The following ESCO1 variants were observed in gnomAD, a reference collection of about 807,000 sequenced individuals.
The protein encoded by ESCO1 is N-acetyltransferase ESCO1.
ESCO1 carries 33 observed loss-of-function variants against 83.5 expected under a neutral mutation model. The observed-to-expected ratio is 0.40, with a 90% CI of 0.30 to 0.53. The LOEUF is 0.53. Ranked by LOEUF, ESCO1 falls within the 20% of genes least tolerant of loss-of-function variation. The pLI is 0.63. For synonymous variants in ESCO1, 332 were observed against 324.3 expected (o/e 1.02, Z -0.25); for missense variants, 855 against 968.0 (o/e 0.88, Z 1.55).
At chr18:21,595,973 A>G (rs1012622515) in intron 1 of ESCO1, among the ~76,000 whole-genome samples, 5 of 151,612 alleles carry the variant, frequency 3.3e-5, no homozygotes, top group Admixed American at 2.6e-4. Flanking sequence ...CAAAAAATAA[A>G]TAAATAAATA....
At chr18:21,558,335 G>T (rs1042587414) in intron 8 of ESCO1, among the ~76,000 whole-genome samples, 1 of 151,834 alleles carries the variant, frequency 6.6e-6, no homozygotes, top group African/African-American at 2.4e-5. Flanking sequence ...TTGAAAATAC[G>T]ACTTTTAGCC....
intron 1 of ESCO1, among the ~76,000 whole-genome samples, chr18:21,586,075 C>T (rs573095740): frequency 9.2e-5 from 14 of 152,260 alleles, no homozygotes; most frequent in Middle Eastern, 3.4e-3. Flanking sequence ...TTTTGAAATA[C>T]GCAACAAATT....
intron 1 of ESCO1, among the ~76,000 whole-genome samples, chr18:21,596,018 A>G (rs2038762078): frequency 6.6e-6 from 1 of 151,846 alleles, no homozygotes; most frequent in South Asian, 2.1e-4. Context: ...AAAGAATAAT[A>G]CTTGTCACAA....
chr18:21,592,756 G>C (rs1456924406), intron 1 of ESCO1, among the ~76,000 whole-genome samples: 246 of 151,704 alleles, frequency 1.6e-3, no homozygotes, highest in Middle Eastern at 6.8e-3. Context: ...TTCTCAGACG[G>C]GGCGGCTGCC....
intron 8 of ESCO1, among the ~76,000 whole-genome samples, chr18:21,545,354 G>A (rs144963928): frequency 1.9e-3 from 283 of 151,608 alleles, no homozygotes; most frequent in Non-Finnish European, 2.6e-3. Flanking sequence ...TGGGAAGATC[G>A]CCTGAGGTCA....
At chr18:21,536,666 T>C (rs1037722986) in intron 9 of ESCO1, among the ~76,000 whole-genome samples, 6 of 151,972 alleles carry the variant, frequency 3.9e-5, no homozygotes, top group Non-Finnish European at 8.8e-5. Context: ...TTGGAACACT[T>C]TGCAAAATGA....
At chr18:21,584,478 C>T (rs915849524) in intron 1 of ESCO1, 38 bp from the exon 2 acceptor site, 2 of 149,958 alleles carry the variant, frequency 1.3e-5, no homozygotes, top group Admixed American at 1.3e-4. Flanking sequence ...TCACTATTAA[C>T]TGATACATTA....
intron 1 of ESCO1, among the ~76,000 whole-genome samples, chr18:21,596,081 C>T (rs1014888274): frequency 4.6e-4 from 70 of 151,874 alleles, no homozygotes; most frequent in African/African-American, 1.6e-3. Context: ...TCCTCTCCAA[C>T]GATGCCATAA....
intron 9 of ESCO1, among the ~76,000 whole-genome samples, chr18:21,538,840 A>C (rs1229013929): frequency 6.6e-6 from 1 of 152,176 alleles, no homozygotes; most frequent in Non-Finnish European, 1.5e-5. Flanking sequence ...ATTTCTTCTG[A>C]AAAAGCATCC....
chr18:21,599,826 G>A (rs1388530931), intron 1 of ESCO1, among the ~76,000 whole-genome samples: 1 of 152,138 alleles, frequency 6.6e-6, no homozygotes. Flanking sequence ...TCTTCGAATT[G>A]TTGGACTTGC....
intron 4 of ESCO1, among the ~76,000 whole-genome samples, chr18:21,572,285 T>C (rs1387081139): frequency 6.6e-6 from 1 of 152,238 alleles, no homozygotes; most frequent in Non-Finnish European, 1.5e-5. Context: ...TTGATCTATG[T>C]TAGAGTTCCA....
intron 1 of ESCO1, among the ~76,000 whole-genome samples, chr18:21,588,822 G>A (rs764558115): frequency 1.3e-5 from 2 of 152,052 alleles, no homozygotes; most frequent in African/African-American, 4.8e-5. Context: ...AGGCTGAGGC[G>A]GGAGACTGCA....
intron 8 of ESCO1, among the ~76,000 whole-genome samples, chr18:21,560,180 A>T (rs2038164274): frequency 6.6e-6 from 1 of 152,148 alleles, no homozygotes. Context: ...CAATTAAATT[A>T]CTATTTTCAC....
At chr18:21,579,819 C>G (rs2038475687) in intron 2 of ESCO1, among the ~76,000 whole-genome samples, 1 of 150,582 alleles carries the variant, frequency 6.6e-6, no homozygotes, top group Admixed American at 6.6e-5. Flanking sequence ...CACACACACA[C>G]ACACACACAC....
intron 8 of ESCO1, among the ~76,000 whole-genome samples, chr18:21,546,739 G>A (rs1568095253): frequency 6.6e-6 from 1 of 152,084 alleles, no homozygotes; most frequent in African/African-American, 2.4e-5. Flanking sequence ...TAGAGACAGG[G>A]TTTTGCCATG....
intron 2 of ESCO1, among the ~76,000 whole-genome samples, chr18:21,581,417 A>C (rs1279188029): frequency 7.2e-5 from 11 of 152,108 alleles, no homozygotes; most frequent in Non-Finnish European, 1.2e-4. Flanking sequence ...ATTTGTAGAG[A>C]TTAACAGAAC....
intron 1 of ESCO1, among the ~76,000 whole-genome samples, chr18:21,586,538 CCT>C (rs2038584716): frequency 6.6e-6 from 1 of 152,140 alleles, no homozygotes; most frequent in African/African-American, 2.4e-5. Context: ...TTCTTAATTT[CCT>C]TTTTGGATGA....
At chr18:21,556,222 C>A (rs1348165921) in intron 8 of ESCO1, among the ~76,000 whole-genome samples, 1 of 152,046 alleles carries the variant, frequency 6.6e-6, no homozygotes, top group Non-Finnish European at 1.5e-5. Context: ...CCACTGCACT[C>A]TGGTCTGAAC....
intron 1 of ESCO1, among the ~76,000 whole-genome samples, chr18:21,598,929 T>C (rs1218974639): frequency 6.6e-6 from 1 of 152,142 alleles, no homozygotes; most frequent in African/African-American, 2.4e-5. Flanking sequence ...CCTAGTTTCC[T>C]CATTTCCTCA....
Sources: gnomAD v4.1 joint callset for allele counts (sites outside exome capture counted in the v4.1 genomes callset) on GRCh38, gnomAD v4.1.1 for gene constraint, MANE v1.5 for transcripts, NCBI Gene and HGNC (gene_info 2026-07-23, HGNC 2026-07-21) for gene names.